Variants in JAK1 observed in about 807,000 individuals in gnomAD.
The protein encoded by JAK1 is Janus kinase 1.
A neutral mutation model predicts 136.6 loss-of-function variants in JAK1; 16 were observed. The ratio of observed to expected loss-of-function variants is 0.12; its 90% CI spans 0.08 to 0.18. The LOEUF is 0.18. JAK1 is among the 10% of genes least tolerant of loss of function. The pLI is 1.00. For missense variants in JAK1, 859 were observed against 1,450.1 expected (o/e 0.59, Z 6.62); for synonymous variants, 492 against 519.5 (o/e 0.95, Z 0.72).
chr1:64,855,772 G>C (rs1039355279), intron 10 of JAK1, 74 bp from the exon 11 acceptor site: 6 of 1,258,038 alleles, frequency 4.8e-6, no homozygotes, highest in Non-Finnish European at 5.5e-6. Context: ...TTAACATTAG[G>C]GGAAGCTGCA....
chr1:65,011,007 A>T (rs1302356784), intron 2 of JAK1, among the ~76,000 whole-genome samples: 1 of 152,192 alleles, frequency 6.6e-6, no homozygotes, highest in Non-Finnish European at 1.5e-5. Context: ...AATAATAGAT[A>T]TGTTTATATT....
intron 13 of JAK1, chr1:64,847,036 T>G (rs1261773860): frequency 4.1e-6 from 2 of 488,892 alleles, no homozygotes; most frequent in Non-Finnish European, 3.7e-6. Flanking sequence ...CTCTCTCTCT[T>G]CCTTTCAGCT....
At chr1:65,056,529 C>T (rs1296291444) in intron 1 of JAK1, among the ~76,000 whole-genome samples, 1 of 152,210 alleles carries the variant, frequency 6.6e-6, no homozygotes, top group Non-Finnish European at 1.5e-5. Context: ...TCCCTTTCTT[C>T]CCCATTGTGT....
At chr1:64,933,771 C>G (rs1645739531) in intron 1 of JAK1, among the ~76,000 whole-genome samples, 1 of 152,180 alleles carries the variant, frequency 6.6e-6, no homozygotes, top group African/African-American at 2.4e-5. Context: ...CCACAAAATG[C>G]AATCTATTTG....
intron 1 of JAK1, among the ~76,000 whole-genome samples, chr1:65,052,286 C>T (rs765254015): frequency 1.3e-5 from 2 of 152,076 alleles, no homozygotes; most frequent in Non-Finnish European, 2.9e-5. Flanking sequence ...AATCCTTACA[C>T]TCATCATGTC....
At chr1:64,865,062 G>T in intron 7 of JAK1, 90 bp from the exon 8 acceptor site, 1 of 1,016,628 alleles carries the variant, frequency 9.8e-7, no homozygotes, top group Non-Finnish European at 1.4e-6. Flanking sequence ...CCTATGCAGG[G>T]CCTAGGTCCA....
In JAK1 at chr1:64,902,581, A is replaced by AGTGTGTGTGTGTGT. The variant is rs1394514935; in HGVS notation, c.-77-16241_-77-16240insACACACACACACAC. On this transcript the variant is annotated intron_variant, in intron 1 of 24. Transcript: ENST00000342505. ...GAGAGAGAGAGAGAGAGAGAGAGAG[A>AGTGTGTGTGTGTGT]GAGTGTGTGTGTGTGTGTGTGTGTG... 2.7e-4 allele frequency among the ~76,000 whole-genome samples: 4 copies of AGTGTGTGTGTGTGT among 14,830 alleles called. No individual in the cohort carries two copies. In the South Asian group the frequency reaches 0.02, roughly 73 times the overall value. The allele number at this position is 14,830 out of a possible 152,430, so 9.7% of individuals were successfully genotyped here.
intron 2 of JAK1, chr1:64,985,056 A>G (rs1350614641): frequency 9.1e-6 from 8 of 877,828 alleles, no homozygotes; most frequent in Admixed American, 6.8e-5. Context: ...AGACATGAGG[A>G]TGGAACAAAA....
At chr1:65,049,492 A>C (rs1209914324) in intron 1 of JAK1, among the ~76,000 whole-genome samples, 1 of 152,164 alleles carries the variant, frequency 6.6e-6, no homozygotes, top group Non-Finnish European at 1.5e-5. Context: ...TCACTTCTTC[A>C]CGAACTTCAA....
intron 2 of JAK1, among the ~76,000 whole-genome samples, chr1:65,023,553 G>A (rs534357): frequency 0.23 from 34,612 of 151,578 alleles, 5,086 homozygotes; most frequent in East Asian, 0.39. Context: ...GCACAATCTC[G>A]GCTCACTGCA....
chr1:65,032,747 G>T (rs1211561313), intron 2 of JAK1, among the ~76,000 whole-genome samples: 1 of 152,130 alleles, frequency 6.6e-6, no homozygotes, highest in Non-Finnish European at 1.5e-5. Flanking sequence ...TCATGCATCC[G>T]TTTTTTAAAT....
intron 1 of JAK1, among the ~76,000 whole-genome samples, chr1:65,067,295 C>G (rs1341777012): frequency 6.7e-6 from 1 of 150,280 alleles, no homozygotes; most frequent in Non-Finnish European, 1.5e-5. Flanking sequence ...GCCCCCAGAC[C>G]CCAGTGCGGA....
chr1:64,844,339 GC>G lies in JAK1; in HGVS notation c.2252-125del. On this transcript the variant is annotated intron_variant, in intron 16 of 24. Transcript: ENST00000342505. The surrounding 1 kb of genome is among the most constrained non-coding windows in gnomAD (Gnocchi z 5.7). ...ACTTCAAGCAGTGTGCCCAAACATG[GC>G]CCATGGCCACATAGGCCCTGTGCGG... 7.7e-7 allele frequency: 1 copy of G among 1,293,942 alleles called. No individual in the cohort carries two copies. The highest frequency in any genetic ancestry group is 1.1e-6 in the Non-Finnish European group (1 of 907,358). The allele number at this position is 1,293,942 out of a possible 1,614,324, so 80.2% of individuals were successfully genotyped here. A position where few individuals can be genotyped will look rare whatever the true frequency, so the allele number is the denominator to read the frequency against.
chr1:64,850,762 G>T, intron 12 of JAK1, 42 bp downstream of exon 12: 1 of 1,350,956 alleles, frequency 7.4e-7, no homozygotes, highest in Non-Finnish European at 1.1e-6. Flanking sequence ...ATCGTGGGGA[G>T]GCAGGACCAC....
At chr1:65,014,236 A>C (rs1024988297) in intron 2 of JAK1, among the ~76,000 whole-genome samples, 2 of 152,172 alleles carry the variant, frequency 1.3e-5, no homozygotes, top group African/African-American at 4.8e-5. Context: ...ATATGGCAGA[A>C]ACAGTATTTG....
intron 2 of JAK1, among the ~76,000 whole-genome samples, chr1:65,042,927 G>C (rs1647148504): frequency 6.6e-6 from 1 of 152,154 alleles, no homozygotes; most frequent in Admixed American, 6.6e-5. Flanking sequence ...GATTCTCCTA[G>C]TGCTTCTGCA....
Position 65,013,116 on chromosome 1 carries a change from G to A in JAK1, c.-78+31364C>T, listed in dbSNP as rs866265113. Among the ~76,000 whole-genome samples, 16 of 116,250 alleles carry A rather than the reference G, an allele frequency of 1.4e-4. No individual in the cohort carries two copies. The South Asian group carries it at 2.6e-3, about 19-fold the overall frequency. 76.3% of individuals were successfully genotyped at this position (116,250 alleles called of 152,430 possible). ...GTCTCAAAAAAAAAAAAAAAAAAAGGCCGGTGCAGTGGCTCACACCTGTAA... is the reference window on the plus strand; with the variant it reads ...GTCTCAAAAAAAAAAAAAAAAAAAGACCGGTGCAGTGGCTCACACCTGTAA... On this transcript the variant is annotated intron_variant, in intron 2 of 25. Transcript: ENST00000671954.
chr1:64,851,031 G>A (rs1199535711), intron 11 of JAK1, 121 bp from the exon 12 acceptor site: 12 of 690,260 alleles, frequency 1.7e-5, no homozygotes, highest in East Asian at 2.7e-5. Context: ...TCAGTCATTC[G>A]ACAAGTGCTT....
chr1:65,009,995 C>T (rs1427800941), intron 2 of JAK1, among the ~76,000 whole-genome samples: 1 of 152,164 alleles, frequency 6.6e-6, no homozygotes, highest in East Asian at 1.9e-4. Context: ...GTTCATGTAC[C>T]CACTAGACTT....
Sources: allele counts gnomAD v4.1 joint callset (sites outside exome capture counted in the v4.1 genomes callset), GRCh38; gene constraint gnomAD v4.1.1; non-coding constraint Gnocchi (gnomAD v3.1); transcripts MANE v1.5; gene names NCBI Gene and HGNC (gene_info 2026-07-23, HGNC 2026-07-21).